PPP2R5E: variants seen among roughly 807,000 people sequenced by gnomAD.
The protein encoded by PPP2R5E is serine/threonine-protein phosphatase 2A 56 kDa regulatory subunit epsilon isoform.
PPP2R5E carries 4 observed loss-of-function variants against 65.3 expected under a neutral mutation model. The ratio of observed to expected loss-of-function variants is 0.06; its 90% confidence interval spans 0.03 to 0.14. PPP2R5E has a LOEUF of 0.14. Among genes scored for constraint, PPP2R5E ranks in the 10% least tolerant of loss-of-function variants. The probability of loss-of-function intolerance (pLI) is 1.00; values close to 1 mark genes in which losing one functional copy is unlikely to be tolerated. For synonymous variants in PPP2R5E, 183 were observed against 187.4 expected, an observed-to-expected ratio of 0.98 and a Z score of 0.19; for missense variants, 274 against 556.1, an observed-to-expected ratio of 0.49 and a Z score of 5.10.
Position 63,379,837 on chromosome 14 carries a change from T to C in PPP2R5E, c.1304+2219A>G, listed in dbSNP as rs1389352051. Reference sequence around the variant, plus strand: ...TCAATATTCTCTCTCTTTTTTTTTTTTTTTTTTTTTTTTTTGAGACAGAGT... The same window carrying C: ...TCAATATTCTCTCTCTTTTTTTTTTCTTTTTTTTTTTTTTTGAGACAGAGT... On this transcript the variant is annotated intron_variant, in intron 13 of 13. Coordinates refer to ENST00000337537, the MANE Select transcript of PPP2R5E (RefSeq NM_006246.5). Among the ~76,000 whole-genome samples, 5 of 131,310 alleles carry C rather than the reference T, an allele frequency of 3.8e-5. 1 individual carries two copies. The highest frequency in any genetic ancestry group is 1.4e-4 in the African/African-American group (5 of 35,524). 86.1% of individuals were successfully genotyped at this position (131,310 alleles called of 152,430 possible). A position where few individuals can be genotyped will look rare whatever the true frequency, so the allele number is the denominator to read the frequency against.
chr14:63,484,682 G>GT (rs1443571770), intron 2 of PPP2R5E, among the ~76,000 whole-genome samples: 2 of 152,304 alleles, frequency 1.3e-5, no homozygotes, highest in East Asian at 1.9e-4. Flanking sequence ...GCCAGACACA[G>GT]TAAGTTCTAA....
At chr14:63,442,074 G>A (rs1385377278) in intron 3 of PPP2R5E, among the ~76,000 whole-genome samples, 3 of 152,114 alleles carry the variant, frequency 2.0e-5, no homozygotes, top group Non-Finnish European at 2.9e-5. Context: ...AATTGAGGAA[G>A]TACAGACCAG....
Position 63,476,935 on chromosome 14 carries a change from A to G in PPP2R5E, c.158-23050T>C, listed in dbSNP as rs114665827. On this transcript the variant is annotated intron_variant, in intron 2 of 13. Transcript: ENST00000337537. ...AAGCACTTAGACTGTAGAGTAGTAG[A>G]GTCTGTTTTATGACTTTACTACAAA... Among the ~76,000 whole-genome samples, 1,257 of 152,284 alleles carry G rather than the reference A, an allele frequency of 8.3e-3. 14 individuals carry two copies. Among genetic ancestry groups the G allele is most frequent in the African/African-American group, 0.029 (1,196 of 41,568 alleles).
intron 2 of PPP2R5E, among the ~76,000 whole-genome samples, chr14:63,531,031 C>A (rs1893410885): frequency 6.6e-6 from 1 of 152,140 alleles, no homozygotes; most frequent in Non-Finnish European, 1.5e-5. Flanking sequence ...ATGAAATTAT[C>A]TCTTCATTAC....
At chr14:63,445,690 A>G (rs1372424989) in intron 3 of PPP2R5E, among the ~76,000 whole-genome samples, 2 of 152,102 alleles carry the variant, frequency 1.3e-5, no homozygotes, top group Admixed American at 1.3e-4. Context: ...TAAAATACAA[A>G]AATTAGCTAA....
At chr14:63,521,686 T>C (rs1892912604) in intron 2 of PPP2R5E, among the ~76,000 whole-genome samples, 1 of 152,158 alleles carries the variant, frequency 6.6e-6, no homozygotes, top group African/African-American at 2.4e-5. Context: ...CAGTTAGTTG[T>C]ATCAGTTGTA....
Position 63,422,071 on chromosome 14 carries a change from A to G in PPP2R5E, c.378T>C (p.Thr126=). The change falls in exon 4 of 14, where the codon ACT becomes ACC. Residue 126 remains threonine, a synonymous_variant. Transcript: ENST00000337537. ...VRMVSCNIFR[T]LPPSDSNEFD... ...ATTCATTGCTGTCACTAGGAGGGAG[A>G]GTTCTGAATATATTGCAAGATACCT... 2 of 1,613,146 alleles carry G rather than the reference A, an allele frequency of 1.2e-6. No homozygotes were observed. Among genetic ancestry groups the G allele is most frequent in the East Asian group, 2.2e-5 (1 of 44,876 alleles).
rs1883901309 is a variant in PPP2R5E at position 63,374,866 on chromosome 14, G to C, written c.*1143C>G. Reference sequence around the variant, plus strand: ...TAGTTAGGAATATGCATCCAATTCAGAATGCATAATAATGTTTATCCTGAA... The same window carrying C: ...TAGTTAGGAATATGCATCCAATTCACAATGCATAATAATGTTTATCCTGAA... On this transcript the variant is annotated 3_prime_UTR_variant, in exon 14 of 14. Transcript: ENST00000337537. 6.6e-6 allele frequency: 1 copy of C among 152,040 alleles called. No individual in the cohort carries two copies. Among genetic ancestry groups the C allele is most frequent in the Non-Finnish European group, 1.5e-5 (1 of 67,896 alleles). 9.4% of individuals were successfully genotyped at this position (152,040 alleles called of 1,614,324 possible). A position where few individuals can be genotyped will look rare whatever the true frequency, so the allele number is the denominator to read the frequency against.
intron 2 of PPP2R5E, among the ~76,000 whole-genome samples, chr14:63,465,083 A>C (rs1056429128): frequency 6.6e-6 from 1 of 151,874 alleles, no homozygotes; most frequent in Non-Finnish European, 1.5e-5. Flanking sequence ...CACAGGGTTG[A>C]GTAAAGATTA....
At chr14:63,397,081 A>G (rs1885438255) in intron 5 of PPP2R5E, among the ~76,000 whole-genome samples, 1 of 152,224 alleles carries the variant, frequency 6.6e-6, no homozygotes, top group Non-Finnish European at 1.5e-5. Context: ...ACATAGGGTT[A>G]AGTAACGTGC....
intron 3 of PPP2R5E, among the ~76,000 whole-genome samples, chr14:63,442,612 A>C (rs943646519): frequency 6.6e-6 from 1 of 152,226 alleles, no homozygotes; most frequent in Non-Finnish European, 1.5e-5. Flanking sequence ...GAGGGAGACC[A>C]CATTTACGTA....
At chr14:63,441,865 G>A (rs537622935) in intron 3 of PPP2R5E, among the ~76,000 whole-genome samples, 22 of 150,068 alleles carry the variant, frequency 1.5e-4, no homozygotes, top group Admixed American at 4.7e-4. Context: ...AGCCAAGATC[G>A]CGCCACTGCA....
chr14:63,381,046 G>C (rs75746782), intron 13 of PPP2R5E, among the ~76,000 whole-genome samples: 11,639 of 152,160 alleles, frequency 0.076, 1,494 homozygotes, highest in African/African-American at 0.26. Context: ...ATACAAAGCT[G>C]ACATCTGCTT....
chr14:63,401,451 A>G (rs1332560943), intron 5 of PPP2R5E, among the ~76,000 whole-genome samples: 1 of 152,204 alleles, frequency 6.6e-6, no homozygotes, highest in African/African-American at 2.4e-5. Context: ...TACAGAGCAA[A>G]GACAGACCTG....
Position 63,482,936 on chromosome 14 carries a change from A to C in PPP2R5E, c.158-29051T>G, listed in dbSNP as rs139518309. 1.3e-3 allele frequency among the ~76,000 whole-genome samples: 195 copies of C among 152,310 alleles called. 1 individual carries two copies. The highest frequency in any genetic ancestry group is 1.4e-3 in the Non-Finnish European group (94 of 68,026). On this transcript the variant is annotated intron_variant, in intron 2 of 13. Transcript: ENST00000337537. ...AGGTACCGACAATACCGCAGTGAAC[A>C]AAAGTGACAAAGATTTCTGTCCTGC...
At chr14:63,539,018 A>G (rs1328885885) in intron 2 of PPP2R5E, among the ~76,000 whole-genome samples, 1 of 152,222 alleles carries the variant, frequency 6.6e-6, no homozygotes, top group Admixed American at 6.5e-5. Context: ...AGAAAGGTAT[A>G]TCTTTTCTAC....
chr14:63,485,892 C>T (rs947837898), intron 2 of PPP2R5E, among the ~76,000 whole-genome samples: 5 of 145,504 alleles, frequency 3.4e-5, no homozygotes, highest in African/African-American at 1.3e-4. Context: ...TGCAGTGGTA[C>T]GACCTCAGCT....
At chr14:63,434,605 C>T (rs1262110367) in intron 3 of PPP2R5E, among the ~76,000 whole-genome samples, 1 of 152,194 alleles carries the variant, frequency 6.6e-6, no homozygotes, top group Non-Finnish European at 1.5e-5. Context: ...ACATGGATAT[C>T]CTTAATTTCT....
At chr14:63,534,082 G>A (rs1286696126) in intron 2 of PPP2R5E, among the ~76,000 whole-genome samples, 1 of 152,168 alleles carries the variant, frequency 6.6e-6, no homozygotes, top group Non-Finnish European at 1.5e-5. Context: ...AAGGAAATGA[G>A]GCACAGGAGG....
Sources: gnomAD v4.1 joint callset for allele counts (sites outside exome capture counted in the v4.1 genomes callset) on GRCh38, gnomAD v4.1.1 for gene constraint, MANE v1.5 for transcripts, NCBI Gene and HGNC (gene_info 2026-07-23, HGNC 2026-07-21) for gene names.